Variants in SYNE2 observed in about 807,000 individuals in gnomAD.
SYNE2 encodes spectrin repeat containing nuclear envelope protein 2.
In SYNE2, 431 loss-of-function variants were observed where a neutral mutation model predicts 856.3. The observed-to-expected ratio is 0.50, with a 90% CI of 0.47 to 0.55. The LOEUF (loss-of-function observed/expected upper bound fraction) is 0.55. Among genes scored for constraint, SYNE2 ranks in the 20% least tolerant of loss-of-function variants. The pLI is 0.00. For missense variants in SYNE2, 8,129 were observed against 8,023.2 expected, an observed-to-expected ratio of 1.01 and a Z score of -0.50; for synonymous variants, 2,923 against 2,872.3, an observed-to-expected ratio of 1.02 and a Z score of -0.56.
intron 1 of SYNE2, among the ~76,000 whole-genome samples, chr14:63,799,072 G>A (rs1381629891): frequency 6.6e-6 from 1 of 152,140 alleles, no homozygotes; most frequent in Non-Finnish European, 1.5e-5. Context: ...AAGGACAAAT[G>A]TGCTTTGTTT....
intron 1 of SYNE2, among the ~76,000 whole-genome samples, chr14:63,823,596 C>G (rs892356827): frequency 6.6e-6 from 1 of 151,224 alleles, no homozygotes; most frequent in African/African-American, 2.4e-5. Context: ...TTATCAAGAC[C>G]AGACAAAAAC....
rs200109813 is a variant in SYNE2, at chr14:64,070,844, G to T, written c.10631G>T (p.Ser3544Ile). Residue 3544 changes from serine to isoleucine, a missense_variant, in exon 52 of 116, where the codon AGC becomes ATC. Physicochemically the swap from Ser to Ile is moderately radical, Grantham distance 142 (BLOSUM62 -2). This residue lies in a region of SYNE2 where 5,410 missense variants were observed against 5,284.8 expected (regional missense o/e 1.02). Coordinates refer to ENST00000555002, the MANE Select transcript of SYNE2 (RefSeq NM_182914.3). ...RIRSIQNVPE[S>I]SGAVETVPAF... Reference sequence around the variant, plus strand: ...AGAAGTATCCAGAATGTTCCTGAAAGCTCAGGGGCTGTGGAAACTGTTCCA... The same window carrying T: ...AGAAGTATCCAGAATGTTCCTGAAATCTCAGGGGCTGTGGAAACTGTTCCA... 47 of 1,614,184 alleles carry T rather than the reference G, an allele frequency of 2.9e-5. No homozygotes were observed. The African/African-American group carries it at 5.1e-4, about 17-fold the overall frequency.
chr14:64,006,767 G>A (rs1266202878), intron 30 of SYNE2, among the ~76,000 whole-genome samples: 1 of 152,140 alleles, frequency 6.6e-6, no homozygotes, highest in Non-Finnish European at 1.5e-5. Context: ...GGTTGAGGCT[G>A]CAGTGAGCTG....
chr14:64,094,803 C>T (rs1221444464), intron 61 of SYNE2, among the ~76,000 whole-genome samples: 2 of 152,172 alleles, frequency 1.3e-5, no homozygotes, highest in Non-Finnish European at 2.9e-5. Flanking sequence ...TAAATTAAAA[C>T]TCAGAAATGT....
intron 64 of SYNE2, among the ~76,000 whole-genome samples, chr14:64,103,480 G>A (rs889233498): frequency 1.3e-5 from 2 of 150,892 alleles, no homozygotes; most frequent in African/African-American, 4.9e-5. Flanking sequence ...GAAAATCATT[G>A]TAAGGCTATG....
At chr14:63,800,590 A>G (rs1247336107) in intron 1 of SYNE2, among the ~76,000 whole-genome samples, 1 of 152,206 alleles carries the variant, frequency 6.6e-6, no homozygotes, top group Admixed American at 6.5e-5. Context: ...GCACCCAGCC[A>G]TAATAATACT....
chr14:63,953,020 T>A lies in SYNE2; in HGVS notation c.591-1699T>A, dbSNP rs539189285. On this transcript the variant is annotated intron_variant, in intron 7 of 115. Transcript: ENST00000555002. ...CAGAATAGTGATGGAGTGATTTTTT[T>A]AAAAATATGTGTCTTAAGCCCTGGT... Among the ~76,000 whole-genome samples the A allele has an allele frequency of 8.6e-4, 131 of 152,324 alleles. 1 individual carries two copies. Among genetic ancestry groups the A allele is most frequent in the Non-Finnish European group, 1.6e-3 (108 of 68,032 alleles).
chr14:64,043,910 T>C (rs2097167399), intron 45 of SYNE2, among the ~76,000 whole-genome samples: 1 of 152,066 alleles, frequency 6.6e-6, no homozygotes, highest in African/African-American at 2.4e-5. Flanking sequence ...TAGCCTGGAG[T>C]GCAGTGGCAC....
chr14:63,888,591 G>A (rs1039366155), intron 1 of SYNE2, among the ~76,000 whole-genome samples: 1 of 152,176 alleles, frequency 6.6e-6, no homozygotes, highest in South Asian at 2.1e-4. Context: ...GTAAGGTGAG[G>A]TACCCTATAT....
At chr14:63,785,910 A>C (rs1887506034) in intron 1 of SYNE2, among the ~76,000 whole-genome samples, 1 of 152,100 alleles carries the variant, frequency 6.6e-6, no homozygotes, top group African/African-American at 2.4e-5. Context: ...GTTCAAGACC[A>C]GCCTGGGCAT....
Position 63,910,186 on chromosome 14 carries a change from G to C in SYNE2, c.79+959G>C, listed in dbSNP as rs112220910. The stretch of plus-strand genomic sequence containing the variant: ...TGGGCAGTATTATGCAGCATTTTTA[G>C]AATGTTACTCAAAGTCATAGATTCT... On this transcript the variant is annotated intron_variant, in intron 2 of 115. Transcript: ENST00000555002. 5.4e-3 allele frequency among the ~76,000 whole-genome samples: 826 copies of C among 152,304 alleles called. 5 individuals carry two copies. Among genetic ancestry groups the C allele is most frequent in the African/African-American group, 0.018 (765 of 41,572 alleles).
intron 81 of SYNE2, 113 bp downstream of exon 81, chr14:64,141,636 G>A (rs2098139873): frequency 8.5e-7 from 1 of 1,180,696 alleles, no homozygotes; most frequent in South Asian, 1.3e-5. Flanking sequence ...ATTTTTCTCT[G>A]GCACCACTGA....
Position 63,998,983 on chromosome 14 carries a change from C to T in SYNE2, c.3423C>T (p.Phe1141=). The T allele has an allele frequency of 1.9e-6, 3 of 1,613,986 alleles. No homozygotes were observed. ...QNNKFRITSD[F]SSEEDRSSSC... is the part of the protein sequence containing the mutation. ...ACAAATTCAGGATTACTTCTGATTT[C>T]TCTAGTGAAGAGGACAGGAGTAGTT... Residue 1141 remains phenylalanine, a synonymous_variant, in exon 27 of 116, where the codon TTC becomes TTT. Coordinates refer to ENST00000555002, the MANE Select transcript of SYNE2 (RefSeq NM_182914.3).
intron 1 of SYNE2, among the ~76,000 whole-genome samples, chr14:63,895,795 AC>A: frequency 7.1e-6 from 1 of 140,648 alleles, no homozygotes; most frequent in South Asian, 2.3e-4. Context: ...AAAAAAAAAA[AC>A]CTAGAAAAAA....
At chr14:64,039,337 C>T (rs1338153684) in intron 45 of SYNE2, among the ~76,000 whole-genome samples, 1 of 152,210 alleles carries the variant, frequency 6.6e-6, no homozygotes, top group East Asian at 1.9e-4. Context: ...ACTGACTTGC[C>T]TCTTGTGACT....
intron 7 of SYNE2, among the ~76,000 whole-genome samples, chr14:63,950,491 G>A (rs2096134548): frequency 6.6e-6 from 1 of 152,152 alleles, no homozygotes; most frequent in Non-Finnish European, 1.5e-5. Flanking sequence ...GGAGGCGGAG[G>A]TTGCGGTGAG....
intron 2 of SYNE2, among the ~76,000 whole-genome samples, chr14:63,918,154 G>A (rs1286146390): frequency 6.6e-6 from 1 of 152,112 alleles, no homozygotes; most frequent in Non-Finnish European, 1.5e-5. Flanking sequence ...GCTTGAAGTA[G>A]TACATTAGAA....
Position 64,167,357 on chromosome 14 carries a change from GGGCCAC to G in SYNE2, c.16740_16745del (p.Thr5581_Ala5582del), listed in dbSNP as rs774818200. On this transcript the variant is annotated inframe_deletion, in exon 91 of 116. Coordinates refer to ENST00000555002, the MANE Select transcript of SYNE2 (RefSeq NM_182914.3). ...CAAAATATGAACCGGCAATGGATTC[GGGCCAC>G]GGCCACGGCACTGGAGCGCTGCAGG... The G allele has an allele frequency of 2.5e-6, 4 of 1,614,170 alleles. No individual in the cohort carries two copies. The highest frequency in any genetic ancestry group is 2.7e-5 in the African/African-American group (2 of 75,038).
At position 63,954,734 on chromosome 14, in the gene SYNE2, T is replaced by G. The variant is rs1258115290; in HGVS notation, c.606T>G (p.Asn202Lys). The change falls in exon 8 of 116, where the codon AAT (asparagine) becomes AAG (lysine). Residue 202 changes from asparagine (N) to lysine (K), a missense_variant. Asn to Lys is a moderately conservative substitution (Grantham distance 94). Coordinates refer to ENST00000555002, the MANE Select transcript of SYNE2 (RefSeq NM_182914.3). ...TTTATGATAGCTATGAGTCTGTCAATGTGACCGATTTTAAGTCAAGTTGGA... is the reference window on the plus strand; with the variant it reads ...TTTATGATAGCTATGAGTCTGTCAAGGTGACCGATTTTAAGTCAAGTTGGA... ...QEQCATYESV[N>K]VTDFKSSWRN... The G allele has an allele frequency of 2.5e-6, 4 of 1,613,976 alleles. No individual in the cohort carries two copies. The highest frequency in any genetic ancestry group is 3.4e-6 in the Non-Finnish European group (4 of 1,179,990).
Sources: gnomAD v4.1 joint callset for allele counts (sites outside exome capture counted in the v4.1 genomes callset) on GRCh38, gnomAD v4.1.1 for gene constraint, gnomAD v4.1.1 regional missense constraint, MANE v1.5 for transcripts, NCBI Gene and HGNC (gene_info 2026-07-23, HGNC 2026-07-21) for gene names.